The following CDK6 variants were observed in gnomAD, a reference collection of about 807,000 sequenced individuals.
CDK6 encodes cyclin dependent kinase 6.
CDK6 carries 6 observed loss-of-function variants against 37.1 expected under a neutral mutation model. That is an observed-to-expected ratio of 0.16 (90% CI 0.09 to 0.32). The LOEUF (loss-of-function observed/expected upper bound fraction) is 0.32, where lower values mean the gene tolerates loss of function less well. Ranked by LOEUF, CDK6 falls within the 10% of genes least tolerant of loss-of-function variation. The pLI, the probability that CDK6 is intolerant of heterozygous loss-of-function variation, is 1.00. For synonymous variants in CDK6, 160 were observed against 161.3 expected, an observed-to-expected ratio of 0.99 and a Z score of 0.06; for missense variants, 224 against 418.9, an observed-to-expected ratio of 0.53 and a Z score of 4.06.
chr7:92,775,060 G>A (rs1799815029), intron 2 of CDK6, among the ~76,000 whole-genome samples: 1 of 152,206 alleles, frequency 6.6e-6, no homozygotes, highest in African/African-American at 2.4e-5. Flanking sequence ...AACATCTATA[G>A]TAACAATGAG....
chr7:92,610,941 A>G lies in CDK6; in HGVS notation c.*4199T>C. ...CTTCATGTGGTTGCCTCTTCCCTTG[A>G]AATGGGAAAAAAGTACAGGTAATTT... On this transcript the variant is annotated 3_prime_UTR_variant, in exon 8 of 8. Transcript: ENST00000424848. 1 of 228,084 alleles carries G rather than the reference A, an allele frequency of 4.4e-6. No individual in the cohort carries two copies. Among genetic ancestry groups the G allele is most frequent in the Non-Finnish European group, 8.7e-6 (1 of 114,868 alleles). 14.1% of individuals were successfully genotyped at this position (228,084 alleles called of 1,614,324 possible). A position where few individuals can be genotyped will look rare whatever the true frequency, so the allele number is the denominator to read the frequency against.
At chr7:92,616,029 A>G (rs550319857) in intron 7 of CDK6, among the ~76,000 whole-genome samples, 6 of 151,878 alleles carry the variant, frequency 4.0e-5, no homozygotes, top group African/African-American at 1.5e-4. Flanking sequence ...CCTTCCATCA[A>G]CGCCTCCTGC....
Position 92,829,939 on chromosome 7 carries a change from T to C in CDK6, c.233+3152A>G, listed in dbSNP as rs753778125. Among the ~76,000 whole-genome samples, 5 of 152,260 alleles carry C rather than the reference T, an allele frequency of 3.3e-5. 1 individual carries two copies. Among genetic ancestry groups the C allele is most frequent in the Non-Finnish European group, 7.3e-5 (5 of 68,038 alleles). ...ACTTTTCCAGGCTTGTTCATTGCTA[T>C]ATCCCCACCTTCTAGAAGAGTCTGG... On this transcript the variant is annotated intron_variant, in intron 2 of 7. Transcript: ENST00000424848.
At chr7:92,719,617 T>C (rs1179748557) in intron 4 of CDK6, among the ~76,000 whole-genome samples, 1 of 152,188 alleles carries the variant, frequency 6.6e-6, no homozygotes, top group Non-Finnish European at 1.5e-5. Context: ...ACTCTTCCAT[T>C]ATGGTACAAA....
At chr7:92,818,039 G>A (rs1010296602) in intron 2 of CDK6, among the ~76,000 whole-genome samples, 1 of 151,946 alleles carries the variant, frequency 6.6e-6, no homozygotes, top group Admixed American at 6.6e-5. Flanking sequence ...CAATATCTAT[G>A]CCTTCGCCCT....
At chr7:92,667,249 G>A (rs940377029) in intron 5 of CDK6, among the ~76,000 whole-genome samples, 13 of 152,146 alleles carry the variant, frequency 8.5e-5, no homozygotes, top group African/African-American at 3.1e-4. Context: ...CTAGGCTAGG[G>A]TGTAGTGGCA....
chr7:92,699,190 A>G (rs571556635), intron 4 of CDK6, among the ~76,000 whole-genome samples: 1 of 152,352 alleles, frequency 6.6e-6, no homozygotes, highest in South Asian at 2.1e-4. Flanking sequence ...TTAGTTCACT[A>G]TCAGAGAGAC....
At chr7:92,828,131 T>C (rs898940825) in intron 2 of CDK6, among the ~76,000 whole-genome samples, 3 of 152,060 alleles carry the variant, frequency 2.0e-5, no homozygotes, top group East Asian at 1.9e-4. Context: ...CATTTAACTA[T>C]AGCTATTTTA....
At position 92,683,709 on chromosome 7, in the gene CDK6, T is replaced by TTG. The variant is rs770417668; in HGVS notation, c.538-12175_538-12174insCA. Reference sequence around the variant, plus strand: ...ATTTATAGTCTACAGAGGACTGTGGTGGGGGGGGGGTCCCCACTATATTTT... The same window carrying TTG: ...ATTTATAGTCTACAGAGGACTGTGGTTGGGGGGGGGGGTCCCCACTATATTTT... On this transcript the variant is annotated intron_variant, in intron 4 of 7. Coordinates refer to ENST00000424848, the MANE Select transcript of CDK6 (RefSeq NM_001145306.2). Among the ~76,000 whole-genome samples the TTG allele has an allele frequency of 2.8e-5, 4 of 144,888 alleles. No individual in the cohort carries two copies. The South Asian group carries it at 8.8e-4, about 32-fold the overall frequency.
At chr7:92,647,951 G>A (rs1796487850) in intron 5 of CDK6, among the ~76,000 whole-genome samples, 2 of 152,198 alleles carry the variant, frequency 1.3e-5, no homozygotes, top group Non-Finnish European at 2.9e-5. Context: ...AGATGATAGT[G>A]TCTCCCTCTA....
chr7:92,648,830 C>CAA (rs1796507043), intron 5 of CDK6, among the ~76,000 whole-genome samples: 1 of 152,114 alleles, frequency 6.6e-6, no homozygotes, highest in Non-Finnish European at 1.5e-5. Flanking sequence ...ACTGCTTTAT[C>CAA]TAGTTTTAGT....
At chr7:92,633,014 C>T (rs1218336491) in intron 5 of CDK6, among the ~76,000 whole-genome samples, 1 of 141,516 alleles carries the variant, frequency 7.1e-6, no homozygotes, top group Non-Finnish European at 1.5e-5. Context: ...GACTATAGTC[C>T]TTAGTTTTGA....
intron 2 of CDK6, among the ~76,000 whole-genome samples, chr7:92,826,886 T>A (rs1329289070): frequency 1.3e-5 from 2 of 152,150 alleles, no homozygotes; most frequent in African/African-American, 4.8e-5. Context: ...CCAATGGTTA[T>A]GGACACCATG....
At chr7:92,767,303 G>C (rs1799606801) in intron 3 of CDK6, among the ~76,000 whole-genome samples, 1 of 152,140 alleles carries the variant, frequency 6.6e-6, no homozygotes, top group Non-Finnish European at 1.5e-5. Flanking sequence ...GCATAAAAAT[G>C]TTCTCCTTTA....
At chr7:92,741,672 A>G (rs909661249) in intron 3 of CDK6, among the ~76,000 whole-genome samples, 1 of 152,158 alleles carries the variant, frequency 6.6e-6, no homozygotes, top group Non-Finnish European at 1.5e-5. Context: ...TTTTTAAGTT[A>G]GTAGCCAGCA....
intron 2 of CDK6, among the ~76,000 whole-genome samples, chr7:92,807,547 A>G (rs1800759438): frequency 6.6e-6 from 1 of 151,676 alleles, no homozygotes. Context: ...CTATATAGAT[A>G]TATATCAATA....
At chr7:92,756,132 A>G (rs1167512152) in intron 3 of CDK6, among the ~76,000 whole-genome samples, 1 of 151,162 alleles carries the variant, frequency 6.6e-6, no homozygotes, top group Non-Finnish European at 1.5e-5. Context: ...TTAGGCACAG[A>G]TGAGTGAATA....
intron 2 of CDK6, among the ~76,000 whole-genome samples, chr7:92,822,610 C>T (rs1315314766): frequency 1.3e-5 from 2 of 152,018 alleles, no homozygotes; most frequent in Non-Finnish European, 2.9e-5. Context: ...AATTTTTGCC[C>T]TCAGGGAGCC....
chr7:92,629,142 C>T (rs559683975), intron 5 of CDK6, among the ~76,000 whole-genome samples: 5 of 152,004 alleles, frequency 3.3e-5, no homozygotes, highest in African/African-American at 1.2e-4. Context: ...GAATCTGAGA[C>T]GAAGTTCCGT....
Sources: gnomAD v4.1 joint callset for allele counts (sites outside exome capture counted in the v4.1 genomes callset) on GRCh38, gnomAD v4.1.1 for gene constraint, MANE v1.5 for transcripts, NCBI Gene and HGNC (gene_info 2026-07-23, HGNC 2026-07-21) for gene names.